The following STARD13 variants were observed in gnomAD, a reference collection of about 807,000 sequenced individuals.
The protein encoded by STARD13 is StAR related lipid transfer domain containing 13, also known as stAR-related lipid transfer protein 13.
A neutral mutation model predicts 106.4 loss-of-function variants in STARD13; 62 were observed. That is an observed-to-expected ratio of 0.58 (90% confidence interval 0.48 to 0.72). STARD13 has a LOEUF of 0.72. Ranked by LOEUF, STARD13 falls within the 30% of genes least tolerant of loss-of-function variation. The pLI is 0.00. For synonymous variants in STARD13, 565 were observed against 553.0 expected (o/e 1.02, Z -0.31); for missense variants, 1,387 against 1,424.0 (o/e 0.97, Z 0.42).
chr13:33,405,417 G>A, the STARD13 span, among the ~76,000 whole-genome samples: 1 of 152,236 alleles, frequency 6.6e-6, no homozygotes, highest in Non-Finnish European at 1.5e-5. Context: ...GGAGAAGCCA[G>A]GAGCCATTCC....
intron 3 of STARD13, 54 bp from the exon 4 acceptor site, chr13:33,142,427 C>T (rs1879959333): frequency 6.8e-7 from 1 of 1,480,804 alleles, no homozygotes. Context: ...TTAAATCTCT[C>T]CAGTTTGATA....
chr13:33,648,664 A>G, the STARD13 span, among the ~76,000 whole-genome samples: 1 of 152,112 alleles, frequency 6.6e-6, no homozygotes, highest in East Asian at 1.9e-4. Flanking sequence ...CAGCTGGTTC[A>G]ATCTTGTCAA....
chr13:33,440,496 C>T, the STARD13 span, among the ~76,000 whole-genome samples: 1 of 151,722 alleles, frequency 6.6e-6, no homozygotes, highest in East Asian at 2.0e-4. Context: ...CCTTCTGAAT[C>T]CCATGCTGTC....
At chr13:33,218,573 C>G (rs758862464) in intron 1 of STARD13, among the ~76,000 whole-genome samples, 26 of 152,280 alleles carry the variant, frequency 1.7e-4, no homozygotes, top group Non-Finnish European at 3.5e-4. Context: ...GTTCTCACTC[C>G]AAAGCATGTA....
At chr13:33,151,149 C>T (rs1881220607) in intron 3 of STARD13, among the ~76,000 whole-genome samples, 3 of 151,960 alleles carry the variant, frequency 2.0e-5, no homozygotes, top group Middle Eastern at 3.4e-3. Flanking sequence ...AAAAAATAGG[C>T]ACAAAATAGC....
chr13:33,410,162 G>A, the STARD13 span, among the ~76,000 whole-genome samples: 2 of 152,334 alleles, frequency 1.3e-5, no homozygotes, highest in Non-Finnish European at 2.9e-5. Flanking sequence ...GTGGTTGTGT[G>A]TGCCTCTCCT....
chr13:33,459,778 T>G, the STARD13 span, among the ~76,000 whole-genome samples: 6 of 152,236 alleles, frequency 3.9e-5, no homozygotes, highest in Non-Finnish European at 1.5e-5. Context: ...ATTTTGTATG[T>G]GTAAACCAGT....
chr13:33,212,478 G>C (rs2764625), intron 1 of STARD13, among the ~76,000 whole-genome samples: 38,132 of 152,126 alleles, frequency 0.25, 5,368 homozygotes, highest in Middle Eastern at 0.36. Context: ...TGAGTTGCTT[G>C]GGCACACTGG....
chr13:33,245,598 A>G (rs1304222521), intron 1 of STARD13, among the ~76,000 whole-genome samples: 3 of 152,252 alleles, frequency 2.0e-5, no homozygotes, highest in African/African-American at 2.4e-5. Context: ...TAATTGAAAC[A>G]TACAAATTGT....
the STARD13 span, among the ~76,000 whole-genome samples, chr13:33,574,818 A>G: frequency 6.6e-6 from 1 of 151,958 alleles, no homozygotes; most frequent in East Asian, 1.9e-4. Flanking sequence ...ACTTGCTTGA[A>G]TTGTTTACTT....
At chr13:33,349,806 C>G (rs930660824) in intron 1 of STARD13, among the ~76,000 whole-genome samples, 1 of 152,234 alleles carries the variant, frequency 6.6e-6, no homozygotes, top group Non-Finnish European at 1.5e-5. Context: ...AGTGGCTGGT[C>G]TGCGGCGCTT....
the STARD13 span, among the ~76,000 whole-genome samples, chr13:33,498,722 A>G: frequency 6.6e-6 from 1 of 152,234 alleles, no homozygotes; most frequent in Non-Finnish European, 1.5e-5. Context: ...GAGTACATTC[A>G]GCTATGATCC....
chr13:33,277,660 C>T (rs926230757), intron 1 of STARD13: 10 of 152,140 alleles, frequency 6.6e-5, no homozygotes, highest in African/African-American at 2.4e-4. Context: ...AATGTTAGAA[C>T]CATTTGGACC....
At chr13:33,267,864 G>A (rs1454485878) in intron 1 of STARD13, among the ~76,000 whole-genome samples, 1 of 152,164 alleles carries the variant, frequency 6.6e-6, no homozygotes, top group Non-Finnish European at 1.5e-5. Context: ...GGAAGAGGCT[G>A]CAAACTAGAG....
At chr13:33,375,789 C>T in the STARD13 span, among the ~76,000 whole-genome samples, 1 of 152,048 alleles carries the variant, frequency 6.6e-6, no homozygotes, top group East Asian at 1.9e-4. Flanking sequence ...ATGAATTCCC[C>T]AGTCTCAGGT....
At chr13:33,609,085 C>CAAAAAAAAAAAAAA in the STARD13 span, among the ~76,000 whole-genome samples, 1 of 50,580 alleles carries the variant, frequency 2.0e-5, no homozygotes, top group African/African-American at 9.6e-5. Flanking sequence ...GACTCCGTCT[C>CAAAAAAAAAAAAAA]AAAAAAAAAA....
chr13:33,621,637 G>A, the STARD13 span, among the ~76,000 whole-genome samples: 3 of 130,048 alleles, frequency 2.3e-5, no homozygotes, highest in Non-Finnish European at 4.6e-5. Flanking sequence ...CCGAGAACAC[G>A]CCATTGCACT....
chr13:33,136,578 C>T (rs1263272234), intron 4 of STARD13, among the ~76,000 whole-genome samples: 1 of 152,162 alleles, frequency 6.6e-6, no homozygotes, highest in Non-Finnish European at 1.5e-5. Flanking sequence ...CTGTCTTGCC[C>T]ACCTTTGATT....
chr13:33,184,201 T>C (rs1482462751), intron 1 of STARD13, among the ~76,000 whole-genome samples: 2 of 152,202 alleles, frequency 1.3e-5, no homozygotes, highest in Non-Finnish European at 2.9e-5. Context: ...CATCTTGAAT[T>C]CTTACTTGTC....
Sources: gnomAD v4.1 joint callset for allele counts (sites outside exome capture counted in the v4.1 genomes callset) on GRCh38, gnomAD v4.1.1 for gene constraint, MANE v1.5 for transcripts, NCBI Gene and HGNC (gene_info 2026-07-23, HGNC 2026-07-21) for gene names.